NTN4: variants seen among roughly 807,000 people sequenced by gnomAD.
NTN4 encodes netrin-4.
A neutral mutation model predicts 73.6 loss-of-function variants in NTN4; 32 were observed. That is an observed-to-expected ratio of 0.44 (90% CI 0.33 to 0.58). The LOEUF is 0.58. Among genes scored for constraint, NTN4 ranks in the 20% least tolerant of loss-of-function variants. NTN4 has a pLI of 0.04. For synonymous variants in NTN4, 258 were observed against 287.5 expected (o/e 0.90, Z 1.04); for missense variants, 654 against 798.3 (o/e 0.82, Z 2.18).
rs952913683 is a variant in NTN4 at position 95,697,773 on chromosome 12, C to T, written c.1180+12668G>A. Among the ~76,000 whole-genome samples, 3 of 151,812 alleles carry T rather than the reference C, an allele frequency of 2.0e-5. No homozygotes were observed. In the East Asian group the frequency reaches 5.8e-4, roughly 29 times the overall value. ...TGTAATACAGTTCTTTGGATCTTTG[C>T]AGGTCATGGGATCTTTGTAGTCAGA... On this transcript the variant is annotated intron_variant, in intron 5 of 9. Coordinates refer to ENST00000343702, the MANE Select transcript of NTN4 (RefSeq NM_021229.4).
At chr12:95,730,053 G>C (rs1449719820) in intron 3 of NTN4, among the ~76,000 whole-genome samples, 2 of 152,174 alleles carry the variant, frequency 1.3e-5, no homozygotes, top group African/African-American at 4.8e-5. Flanking sequence ...AATTTGCAAA[G>C]TGAGATATGC....
intron 7 of NTN4, among the ~76,000 whole-genome samples, chr12:95,681,474 T>G (rs569768426): frequency 6.6e-6 from 1 of 152,284 alleles, no homozygotes; most frequent in African/African-American, 2.4e-5. Context: ...TGCATAACAT[T>G]TTTACTACTT....
At chr12:95,748,724 G>T (rs1036873718) in intron 2 of NTN4, among the ~76,000 whole-genome samples, 1 of 152,088 alleles carries the variant, frequency 6.6e-6, no homozygotes, top group Admixed American at 6.5e-5. Context: ...ACCCAGCTTG[G>T]CCTCCCGAAG....
chr12:95,660,484 C>G (rs1206699278), intron 9 of NTN4, among the ~76,000 whole-genome samples: 5 of 151,690 alleles, frequency 3.3e-5, no homozygotes, highest in Non-Finnish European at 7.4e-5. Flanking sequence ...TAAAACTTGC[C>G]TAGATCTTGT....
chr12:95,769,582 A>G (rs1381470574), intron 2 of NTN4, among the ~76,000 whole-genome samples: 2 of 148,842 alleles, frequency 1.3e-5, no homozygotes, highest in African/African-American at 4.9e-5. Context: ...AATGATGTTC[A>G]GAAATTGGAA....
intron 7 of NTN4, chr12:95,672,842 G>A (rs1238291362): frequency 4.3e-6 from 6 of 1,380,644 alleles, no homozygotes; most frequent in South Asian, 2.3e-5. Flanking sequence ...GAAGGGAAAT[G>A]GGTACTGATT....
chr12:95,746,169 C>T (rs2078861128), intron 2 of NTN4, among the ~76,000 whole-genome samples: 1 of 152,156 alleles, frequency 6.6e-6, no homozygotes, highest in African/African-American at 2.4e-5. Flanking sequence ...CAAGCTGACT[C>T]CTAGCACATC....
chr12:95,761,971 CAATT>C (rs372102651), intron 2 of NTN4, among the ~76,000 whole-genome samples: 9 of 151,972 alleles, frequency 5.9e-5, no homozygotes, highest in Admixed American at 2.0e-4. Context: ...TTTATCTCCT[CAATT>C]AATCTTCCTT....
intron 2 of NTN4, among the ~76,000 whole-genome samples, chr12:95,780,852 A>G (rs1253704945): frequency 2.0e-5 from 3 of 151,938 alleles, no homozygotes; most frequent in African/African-American, 7.2e-5. Context: ...ACATGCACAC[A>G]TGTTTATTGC....
intron 2 of NTN4, among the ~76,000 whole-genome samples, chr12:95,765,853 A>C (rs2079017766): frequency 6.6e-6 from 1 of 152,180 alleles, no homozygotes; most frequent in Non-Finnish European, 1.5e-5. Context: ...GGCCCCTAAA[A>C]TACAGAGATA....
chr12:95,670,245 C>T, intron 7 of NTN4, 99 bp from the exon 8 acceptor site: 1 of 638,134 alleles, frequency 1.6e-6, no homozygotes, highest in East Asian at 2.9e-5. Flanking sequence ...ATCCCTTAAG[C>T]CTTGAGTGAT....
chr12:95,738,120 G>A lies in NTN4; in HGVS notation c.610C>T (p.Pro204Ser), dbSNP rs2078794970. The A allele has an allele frequency of 1.2e-6, 2 of 1,613,656 alleles. No homozygotes were observed. Among genetic ancestry groups the A allele is most frequent in the Non-Finnish European group, 1.7e-6 (2 of 1,179,702 alleles). The change falls in exon 3 of 10, where the codon CCA becomes TCA. Residue 204 changes from proline to serine, a missense_variant. By Grantham distance (74) the Pro-to-Ser change is moderately conservative. Coordinates refer to ENST00000343702, the MANE Select transcript of NTN4 (RefSeq NM_021229.4). ...CTGTAAGGGTTCTCTGTATCGTATG[G>A]TGGTGACAAAGCTTTGAAAATAACC... ...GEVIFKALSPPYDTENPYSAK... is the reference protein window; with the variant it reads ...GEVIFKALSPSYDTENPYSAK...
intron 2 of NTN4, among the ~76,000 whole-genome samples, chr12:95,779,057 C>A (rs1334815707): frequency 6.6e-6 from 1 of 152,122 alleles, no homozygotes; most frequent in Non-Finnish European, 1.5e-5. Context: ...AAGACAAAAA[C>A]CACATTATTA....
At chr12:95,711,114 G>C (rs895409868) in intron 4 of NTN4, among the ~76,000 whole-genome samples, 3 of 151,970 alleles carry the variant, frequency 2.0e-5, no homozygotes, top group Non-Finnish European at 4.4e-5. Context: ...ATCTAGCCTC[G>C]GCCTCCCCAT....
chr12:95,783,598 G>A (rs1187719457), intron 2 of NTN4, among the ~76,000 whole-genome samples: 1 of 152,172 alleles, frequency 6.6e-6, no homozygotes, highest in Non-Finnish European at 1.5e-5. Flanking sequence ...CACAAATAGA[G>A]GGAGAGAACT....
Position 95,790,407 on chromosome 12 carries a change from C to G in NTN4, c.-98G>C. The G allele has an allele frequency of 9.3e-7, 1 of 1,079,256 alleles. No individual in the cohort carries two copies. Among genetic ancestry groups the G allele is most frequent in the Non-Finnish European group, 1.3e-6 (1 of 786,838 alleles). 66.9% of individuals were successfully genotyped at this position (1,079,256 alleles called of 1,614,324 possible). On this transcript the variant is annotated 5_prime_UTR_variant, in exon 1 of 10. Coordinates refer to ENST00000343702, the MANE Select transcript of NTN4 (RefSeq NM_021229.4). The surrounding 1 kb of genome is among the most constrained non-coding windows in gnomAD (Gnocchi z 6.5). ...AAGCGCCGCCGTCCTCGGGAGGGAA[C>G]GGGGCCCTGGTTTCTTCCTCCTCCT...
At chr12:95,665,665 C>A in intron 9 of NTN4, 145 bp downstream of exon 9, 3 of 554,658 alleles carry the variant, frequency 5.4e-6, no homozygotes, top group African/African-American at 1.9e-5. Context: ...CAAAGAATTC[C>A]ATTTGGATTT....
At chr12:95,702,979 T>C (rs1592674871) in intron 5 of NTN4, among the ~76,000 whole-genome samples, 1 of 150,850 alleles carries the variant, frequency 6.6e-6, no homozygotes, top group East Asian at 2.0e-4. Context: ...TGCCTCAGCC[T>C]CCTAAGCAGG....
At chr12:95,684,084 G>C (rs1002755130) in intron 5 of NTN4, among the ~76,000 whole-genome samples, 1 of 152,194 alleles carries the variant, frequency 6.6e-6, no homozygotes, top group African/African-American at 2.4e-5. Context: ...AGGTTTCAAG[G>C]AGTAGGGCAG....
Sources: allele counts gnomAD v4.1 joint callset (sites outside exome capture counted in the v4.1 genomes callset), GRCh38; gene constraint gnomAD v4.1.1; non-coding constraint Gnocchi (gnomAD v3.1); transcripts MANE v1.5; gene names NCBI Gene and HGNC (gene_info 2026-07-23, HGNC 2026-07-21).